IL1RAPL2: variants seen among roughly 807,000 people sequenced by gnomAD.
IL1RAPL2 encodes X-linked interleukin-1 receptor accessory protein-like 2.
Under a neutral mutation model 44.1 loss-of-function variants are expected in IL1RAPL2, and 3 were observed. The ratio of observed to expected loss-of-function variants is 0.07; its 90% CI spans 0.03 to 0.18. The LOEUF is 0.18. IL1RAPL2 is among the 10% of genes least tolerant of loss of function. IL1RAPL2 has a pLI of 1.00. For missense variants in IL1RAPL2, 391 were observed against 496.4 expected (o/e 0.79, Z 2.02); for synonymous variants, 181 against 178.8 (o/e 1.01, Z -0.10).
chrX:104,604,148 T>C (rs1476465926), intron 1 of IL1RAPL2, among the ~76,000 whole-genome samples: 1 of 111,990 alleles, frequency 8.9e-6, no homozygotes, highest in Non-Finnish European at 1.9e-5. Flanking sequence ...TGGGGGCCAA[T>C]ATTCAACATT....
intron 6 of IL1RAPL2, among the ~76,000 whole-genome samples, chrX:105,666,777 C>A (rs2037774287): frequency 9.0e-6 from 1 of 111,284 alleles, no homozygotes; most frequent in Non-Finnish European, 1.9e-5. Context: ...GGACAGGCGC[C>A]CCTCATGTGT....
chrX:105,669,678 T>G (rs771658386), intron 6 of IL1RAPL2, among the ~76,000 whole-genome samples: 1 of 110,824 alleles, frequency 9.0e-6, no homozygotes, highest in South Asian at 3.9e-4. Context: ...ACAACCAAGA[T>G]ACTAACATTG....
At chrX:104,795,279 T>C (rs966588540) in intron 2 of IL1RAPL2, among the ~76,000 whole-genome samples, 1 of 111,439 alleles carries the variant, frequency 9.0e-6, no homozygotes, top group Non-Finnish European at 1.9e-5. Context: ...CAGGTTTAAT[T>C]TGATCTCAGC....
intron 2 of IL1RAPL2, among the ~76,000 whole-genome samples, chrX:104,912,539 A>T (rs1924277000): frequency 9.0e-6 from 1 of 111,653 alleles, no homozygotes. Flanking sequence ...TTAGATATTG[A>T]TACTATATTA....
intron 2 of IL1RAPL2, among the ~76,000 whole-genome samples, chrX:104,716,050 A>G (rs1383831133): frequency 9.0e-6 from 1 of 111,645 alleles, no homozygotes; most frequent in African/African-American, 3.3e-5. Context: ...ACAAGGCTAC[A>G]CTAACAAAAC....
intron 2 of IL1RAPL2, among the ~76,000 whole-genome samples, chrX:104,908,790 G>T (rs1304800575): frequency 1.5e-4 from 16 of 108,597 alleles, no homozygotes; most frequent in Non-Finnish European, 2.7e-4. Context: ...TCTTGGAGTT[G>T]CTCTTCTCGA....
chrX:104,783,999 C>T (rs1007115502), intron 2 of IL1RAPL2, among the ~76,000 whole-genome samples: 3 of 110,836 alleles, frequency 2.7e-5, no homozygotes, highest in African/African-American at 9.9e-5. Flanking sequence ...CCTGAACACC[C>T]AAGTTCTAAC....
chrX:104,889,844 C>G (rs756925403), intron 2 of IL1RAPL2, among the ~76,000 whole-genome samples: 15 of 111,495 alleles, frequency 1.3e-4, no homozygotes, highest in African/African-American at 4.9e-4. Context: ...TACATGTGCA[C>G]AAAGTGCAGG....
intron 2 of IL1RAPL2, among the ~76,000 whole-genome samples, chrX:105,083,526 C>T (rs940861663): frequency 1.8e-5 from 2 of 110,435 alleles, no homozygotes; most frequent in East Asian, 2.8e-4. Flanking sequence ...TCAGATTCCC[C>T]AAGGTTGAAA....
At chrX:105,584,170 A>C (rs1160139743) in intron 6 of IL1RAPL2, among the ~76,000 whole-genome samples, 1 of 111,123 alleles carries the variant, frequency 9.0e-6, no homozygotes, top group Non-Finnish European at 1.9e-5. Context: ...TTTTTTGTCT[A>C]CTTGTTCTAT....
chrX:104,801,792 C>T (rs926986899), intron 2 of IL1RAPL2, among the ~76,000 whole-genome samples: 2 of 111,651 alleles, frequency 1.8e-5, no homozygotes, highest in Admixed American at 1.9e-4. Context: ...AGTTTCTCTT[C>T]CATGTTTCCA....
intron 5 of IL1RAPL2, among the ~76,000 whole-genome samples, chrX:105,390,742 T>A (rs1248711777): frequency 9.0e-6 from 1 of 110,856 alleles, no homozygotes; most frequent in African/African-American, 3.3e-5. Flanking sequence ...TCTTTGTAAT[T>A]CCGTATGAGA....
At chrX:105,619,185 C>G (rs2037401690) in intron 6 of IL1RAPL2, among the ~76,000 whole-genome samples, 1 of 106,819 alleles carries the variant, frequency 9.4e-6, no homozygotes, top group South Asian at 4.1e-4. Context: ...GGCTTAAATA[C>G]AGCAGTTCTC....
At chrX:104,819,865 C>T (rs982437773) in intron 2 of IL1RAPL2, among the ~76,000 whole-genome samples, 2 of 111,536 alleles carry the variant, frequency 1.8e-5, no homozygotes. Flanking sequence ...ACAAGCACCT[C>T]TTGTTGAGGG....
At position 104,571,596 on chromosome X, in the gene IL1RAPL2, C is replaced by T. The variant is rs182798185; in HGVS notation, c.-20+4545C>T. On this transcript the variant is annotated intron_variant, in intron 1 of 10. Coordinates refer to ENST00000372582, the MANE Select transcript of IL1RAPL2 (RefSeq NM_017416.2). The stretch of plus-strand genomic sequence containing the variant: ...CTCTCTTGCCTGCCGCCATGTAAGA[C>T]ATGCTTTTGCTTCTCCTTTGCCTTC... Among the ~76,000 whole-genome samples, 3 of 112,128 alleles carry T rather than the reference C, an allele frequency of 2.7e-5. No homozygotes were observed. The East Asian group carries it at 8.4e-4, about 31-fold the overall frequency.
chrX:105,166,613 G>A (rs2033373313), intron 2 of IL1RAPL2, among the ~76,000 whole-genome samples: 1 of 112,172 alleles, frequency 8.9e-6, no homozygotes, highest in Non-Finnish European at 1.9e-5. Flanking sequence ...GTCCCCTATT[G>A]CAAAAGTGAA....
chrX:105,045,584 G>A (rs956292453), intron 2 of IL1RAPL2, among the ~76,000 whole-genome samples: 1 of 111,510 alleles, frequency 9.0e-6, no homozygotes, highest in Admixed American at 9.5e-5. Flanking sequence ...GTCTCACTCT[G>A]TTACTCAGGT....
intron 8 of IL1RAPL2, among the ~76,000 whole-genome samples, chrX:105,746,096 A>G (rs1315831542): frequency 8.9e-6 from 1 of 111,774 alleles, no homozygotes; most frequent in East Asian, 2.8e-4. Context: ...CTGCTTCCCA[A>G]CTTGTGAGTC....
chrX:105,313,896 CTTCTTATCAAAGAGAGG>C (rs2034817183), intron 5 of IL1RAPL2, among the ~76,000 whole-genome samples: 1 of 111,483 alleles, frequency 9.0e-6, no homozygotes, highest in South Asian at 3.7e-4. Flanking sequence ...TAATGCCATA[CTTCTTATCAAAGAGAGG>C]TTACTTTAGA....
Sources: allele counts gnomAD v4.1 joint callset (sites outside exome capture counted in the v4.1 genomes callset), GRCh38; gene constraint gnomAD v4.1.1; transcripts MANE v1.5; gene names NCBI Gene and HGNC (gene_info 2026-07-23, HGNC 2026-07-21).